CAMSAP2: variants seen among roughly 807,000 people sequenced by gnomAD.
CAMSAP2 encodes calmodulin regulated spectrin associated protein family member 2.
CAMSAP2 carries 26 observed loss-of-function variants against 146.1 expected under a neutral mutation model. The ratio of observed to expected loss-of-function variants is 0.18; its 90% CI spans 0.13 to 0.25. The LOEUF (loss-of-function observed/expected upper bound fraction) is 0.25, where lower values mean the gene tolerates loss of function less well. CAMSAP2 is among the 10% of genes least tolerant of loss of function. The pLI, the probability that CAMSAP2 is intolerant of heterozygous loss-of-function variation, is 1.00. For synonymous variants in CAMSAP2, 499 were observed against 596.6 expected (o/e 0.84, Z 2.38); for missense variants, 1,381 against 1,759.3 (o/e 0.78, Z 3.85).
chr1:200,820,228 T>A (rs951185175), intron 4 of CAMSAP2, among the ~76,000 whole-genome samples: 1 of 151,982 alleles, frequency 6.6e-6, no homozygotes, highest in African/African-American at 2.4e-5. Context: ...GCCCACCTAA[T>A]TTTTTGTGTA....
chr1:200,835,283 TAAAC>T (rs1490572550), intron 6 of CAMSAP2, among the ~76,000 whole-genome samples: 1 of 152,230 alleles, frequency 6.6e-6, no homozygotes, highest in African/African-American at 2.4e-5. Context: ...AAAGGAGCGT[TAAAC>T]AAGTTTGTCA....
Position 200,849,602 on chromosome 1 carries a change from A to G in CAMSAP2, c.2833A>G (p.Ile945Val), listed in dbSNP as rs771122582. ...PSKQAGLSSA[I>V]APFSSDSPRP... is the part of the protein sequence containing the mutation. The stretch of plus-strand genomic sequence containing the variant: ...TAAGCAGGCAGGCCTGTCATCAGCC[A>G]TTGCACCATTCTCCTCAGACTCCCC... The change falls in exon 11 of 17, where the codon ATT becomes GTT. Residue 945 changes from isoleucine to valine, a missense_variant. Around this residue, in one of 4 missense-constraint regions of CAMSAP2, gnomAD observed 560 missense variants for 715.9 expected, o/e 0.78. Transcript: ENST00000358823. This position sits in a 1 kb window ranked among gnomAD's most constrained non-coding sequence, Gnocchi z 6.3. 1.2e-6 allele frequency: 2 copies of G among 1,614,134 alleles called. No individual in the cohort carries two copies. The highest frequency in any genetic ancestry group is 2.2e-5 in the South Asian group (2 of 91,078).
intron 6 of CAMSAP2, among the ~76,000 whole-genome samples, chr1:200,836,608 G>A (rs1325258276): frequency 6.6e-6 from 1 of 152,182 alleles, no homozygotes; most frequent in Non-Finnish European, 1.5e-5. Context: ...GATATACCCA[G>A]TAATGGGATT....
intron 1 of CAMSAP2, among the ~76,000 whole-genome samples, chr1:200,752,895 G>A (rs561543705): frequency 6.6e-6 from 1 of 152,090 alleles, no homozygotes; most frequent in African/African-American, 2.4e-5. Context: ...GGGATTACAG[G>A]CGTGAGCCAC....
intron 3 of CAMSAP2, among the ~76,000 whole-genome samples, chr1:200,814,468 G>A (rs1388349580): frequency 6.6e-6 from 1 of 151,700 alleles, no homozygotes; most frequent in African/African-American, 2.4e-5. Context: ...AAATTAGCCG[G>A]GCATGATGGC....
chr1:200,851,119 G>A (rs981370000), intron 11 of CAMSAP2, among the ~76,000 whole-genome samples: 4 of 152,138 alleles, frequency 2.6e-5, no homozygotes, highest in Non-Finnish European at 5.9e-5. Flanking sequence ...GTGTCCCGGA[G>A]TTTTCAACTG....
At chr1:200,854,548 C>T (rs915857766) in intron 13 of CAMSAP2, among the ~76,000 whole-genome samples, 5 of 151,978 alleles carry the variant, frequency 3.3e-5, no homozygotes, top group African/African-American at 7.2e-5. Flanking sequence ...CACAGTATCA[C>T]GTCTCATATT....
chr1:200,809,255 C>T lies in CAMSAP2; in HGVS notation c.561+1718C>T, dbSNP rs201280615. Among the ~76,000 whole-genome samples the T allele has an allele frequency of 5.1e-4, 78 of 152,292 alleles. No homozygotes were observed. The East Asian group carries it at 0.01, about 20-fold the overall frequency. Reference sequence around the variant, plus strand: ...AGCAAATCTGTAAACAGTTTTGGATCGCACTCATTGCCTTTCTTTTGTCCT... The same window carrying T: ...AGCAAATCTGTAAACAGTTTTGGATTGCACTCATTGCCTTTCTTTTGTCCT... On this transcript the variant is annotated intron_variant, in intron 3 of 16. Coordinates refer to ENST00000358823, the MANE Select transcript of CAMSAP2 (RefSeq NM_203459.4).
At chr1:200,804,292 A>G (rs1213395267) in intron 2 of CAMSAP2, among the ~76,000 whole-genome samples, 3 of 152,030 alleles carry the variant, frequency 2.0e-5, no homozygotes, top group African/African-American at 4.8e-5. Context: ...TATATATATA[A>G]AACAGTATTA....
intron 2 of CAMSAP2, among the ~76,000 whole-genome samples, chr1:200,781,124 T>C (rs1571746988): frequency 6.6e-6 from 1 of 152,350 alleles, no homozygotes; most frequent in African/African-American, 2.4e-5. Context: ...TGTATTTCAG[T>C]GAATTTAATG....
chr1:200,822,210 A>G (rs1039071044), intron 4 of CAMSAP2, among the ~76,000 whole-genome samples: 15 of 151,932 alleles, frequency 9.9e-5, no homozygotes, highest in Admixed American at 2.6e-4. Flanking sequence ...AGAAGGTTGC[A>G]TATATCATGC....
intron 2 of CAMSAP2, among the ~76,000 whole-genome samples, chr1:200,765,354 C>T (rs541174024): frequency 4.3e-4 from 65 of 152,018 alleles, no homozygotes; most frequent in African/African-American, 1.5e-3. Flanking sequence ...CTCAGCCTCC[C>T]GAGTAGCTGG....
intron 2 of CAMSAP2, among the ~76,000 whole-genome samples, chr1:200,773,876 ACT>A (rs1665188411): frequency 2.0e-5 from 3 of 150,464 alleles, no homozygotes; most frequent in Admixed American, 6.7e-5. Context: ...ACAGAGCAAG[ACT>A]CTGTCTCAAA....
At chr1:200,740,461 A>G (rs920359848) in intron 1 of CAMSAP2, among the ~76,000 whole-genome samples, 2 of 152,182 alleles carry the variant, frequency 1.3e-5, no homozygotes, top group African/African-American at 4.8e-5. Flanking sequence ...CGAGTGCAGT[A>G]TTAATTTTTG....
intron 9 of CAMSAP2, 129 bp from the exon 10 acceptor site, chr1:200,847,511 A>G: frequency 5.0e-6 from 4 of 803,510 alleles, no homozygotes; most frequent in Non-Finnish European, 8.1e-6. Context: ...AATTATCTCT[A>G]ATTCTCCTTA....
chr1:200,758,029 G>GC (rs1236362901), intron 1 of CAMSAP2, among the ~76,000 whole-genome samples: 3 of 152,146 alleles, frequency 2.0e-5, no homozygotes, highest in African/African-American at 7.2e-5. Flanking sequence ...TCAGCTATGT[G>GC]CCCCTGGGCA....
At chr1:200,763,976 C>T (rs982558460) in intron 2 of CAMSAP2, among the ~76,000 whole-genome samples, 3 of 152,082 alleles carry the variant, frequency 2.0e-5, no homozygotes, top group Admixed American at 2.0e-4. Context: ...GAGGCTGAGG[C>T]AGGAGAATCG....
intron 2 of CAMSAP2, among the ~76,000 whole-genome samples, chr1:200,797,798 G>C (rs1571765550): frequency 1.8e-5 from 2 of 110,872 alleles, no homozygotes; most frequent in East Asian, 5.4e-4. Context: ...GGTTTTTATG[G>C]TTTTAGGTCT....
rs1371491211 is a variant in CAMSAP2 at position 200,853,486 on chromosome 1, G to C, written c.3814G>C (p.Gly1272Arg). The change falls in exon 13 of 17, where the codon GGT becomes CGT. Residue 1272 changes from glycine (G) to arginine (R), a missense_variant. Coordinates refer to ENST00000358823, the MANE Select transcript of CAMSAP2 (RefSeq NM_203459.4). The surrounding 1 kb of genome is among the most constrained non-coding windows in gnomAD (Gnocchi z 5.1). ...HIESPKTPIK[G>R]PPVSSLSLAS... is the part of the protein sequence containing the mutation. ...TGAATCCCCCAAAACACCAATAAAG[G>C]GTCCTCCAGGTAACATAGCTTATTA... The C allele has an allele frequency of 3.7e-6, 6 of 1,608,630 alleles. No homozygotes were observed. Among genetic ancestry groups the C allele is most frequent in the South Asian group, 1.1e-5 (1 of 90,860 alleles).
Sources: gnomAD v4.1 joint callset for allele counts (sites outside exome capture counted in the v4.1 genomes callset) on GRCh38, gnomAD v4.1.1 for gene constraint, gnomAD v4.1.1 regional missense constraint, Gnocchi (gnomAD v3.1) non-coding constraint, MANE v1.5 for transcripts, NCBI Gene and HGNC (gene_info 2026-07-23, HGNC 2026-07-21) for gene names.